The following KIF2C variants were observed in gnomAD, a reference collection of about 807,000 sequenced individuals.
KIF2C encodes the protein kinesin-like protein KIF2C.
KIF2C carries 34 observed loss-of-function variants against 97.4 expected under a neutral mutation model. The ratio of observed to expected loss-of-function variants is 0.35; its 90% confidence interval spans 0.27 to 0.46. KIF2C has a LOEUF of 0.46. KIF2C is among the 20% of genes least tolerant of loss of function. The probability of loss-of-function intolerance (pLI) is 1.00; values close to 1 mark genes in which losing one functional copy is unlikely to be tolerated. For synonymous variants in KIF2C, 313 were observed against 318.2 expected, an observed-to-expected ratio of 0.98 and a Z score of 0.17; for missense variants, 750 against 907.6, an observed-to-expected ratio of 0.83 and a Z score of 2.23.
chr1:44,753,289 A>C (rs377210369), intron 6 of KIF2C, 35 bp downstream of exon 6: 6 of 1,590,944 alleles, frequency 3.8e-6, no homozygotes, highest in Non-Finnish European at 3.4e-6. Context: ...TTCTGCTTCT[A>C]GTGAGGCACA....
chr1:44,746,869 T>A, intron 2 of KIF2C: 1 of 1,097,654 alleles, frequency 9.1e-7, no homozygotes, highest in Non-Finnish European at 1.3e-6. Flanking sequence ...AGAAATTTAA[T>A]TTTTTCTATG....
At chr1:44,755,165 C>T (rs1246936881) in intron 8 of KIF2C, among the ~76,000 whole-genome samples, 2 of 152,154 alleles carry the variant, frequency 1.3e-5, no homozygotes, top group African/African-American at 4.8e-5. Flanking sequence ...ACCATGTTGC[C>T]CAGGCCAATC....
chr1:44,762,446 G>A lies in KIF2C; in HGVS notation c.1852G>A (p.Gly618Ser). ...CTGCTCTAACGGGGCGCTGATTCCA[G>A]GCAATGTAAGGACCAGGATGCGGCC... Reference protein sequence around the residue: ...EACSNGALIPGNLSKEEEELS... With the variant: ...EACSNGALIPSNLSKEEEELS... Residue 618 changes from glycine (G) to serine (S), a missense_variant, in exon 18 of 21, where the codon GGC becomes AGC. By Grantham distance (56) the Gly-to-Ser change is moderately conservative (BLOSUM62 0). Transcript: ENST00000372224. 2 of 1,614,062 alleles carry A rather than the reference G, an allele frequency of 1.2e-6. No homozygotes were observed. Among genetic ancestry groups the A allele is most frequent in the Non-Finnish European group, 1.7e-6 (2 of 1,179,906 alleles).
At chr1:44,765,477 GAAA>G (rs1318510818) in intron 19 of KIF2C, among the ~76,000 whole-genome samples, 1 of 151,790 alleles carries the variant, frequency 6.6e-6, no homozygotes, top group African/African-American at 2.4e-5. Flanking sequence ...AAGAAAGAAA[GAAA>G]GAAAAAAACC....
rs762926108 is a variant in KIF2C, at chr1:44,757,935, G to C, written c.1096G>C (p.Ala366Pro). The C allele has an allele frequency of 1.2e-6, 2 of 1,614,200 alleles. No homozygotes were observed. Among genetic ancestry groups the C allele is most frequent in the South Asian group, 2.2e-5 (2 of 91,088 alleles). Residue 366 changes from alanine (A) to proline (P), a missense_variant, in exon 12 of 21, where the codon GCC (alanine) becomes CCC (proline). Ala to Pro is a conservative substitution (Grantham distance 27, BLOSUM62 -1). Transcript: ENST00000372224. ...HTMGGDLSGK[A>P]QNASKGIYAM... ...TATGGGCGGAGACCTCTCTGGGAAAGCCCAGAATGCATCCAAAGGGATCTA... is the reference window on the plus strand; with the variant it reads ...TATGGGCGGAGACCTCTCTGGGAAACCCCAGAATGCATCCAAAGGGATCTA...
chr1:44,744,472 C>T (rs1649082900), intron 2 of KIF2C, among the ~76,000 whole-genome samples: 1 of 152,176 alleles, frequency 6.6e-6, no homozygotes, highest in African/African-American at 2.4e-5. Flanking sequence ...TATCCTATGC[C>T]CTGGCAAATG....
chr1:44,760,160 C>T lies in KIF2C; in HGVS notation c.1368-120C>T, dbSNP rs1046373393. The stretch of plus-strand genomic sequence containing the variant: ...GGGAGGGCAAGATGGAAGCCTGGGA[C>T]AGGAAAACAGGACTTTTTCGCCTCC... On this transcript the variant is annotated intron_variant, in intron 14 of 20. Transcript: ENST00000372224. This position sits in a 1 kb window ranked among gnomAD's most constrained non-coding sequence, Gnocchi z 4.2. 1.0e-5 allele frequency: 8 copies of T among 801,854 alleles called. No individual in the cohort carries two copies. The highest frequency in any genetic ancestry group is 1.2e-5 in the Non-Finnish European group (6 of 493,940). The allele number at this position is 801,854 out of a possible 1,614,324, so 49.7% of individuals were successfully genotyped here.
At position 44,755,417 on chromosome 1, in the gene KIF2C, CA is replaced by C. The variant is rs1649772287; in HGVS notation, c.760-511del. Reference sequence around the variant, plus strand: ...AGTAGCTGGGATTACAGGCATGTGCCACCACGCCTAGGTAATTTTTGTATTT... The same window carrying C: ...AGTAGCTGGGATTACAGGCATGTGCCCCACGCCTAGGTAATTTTTGTATTT... On this transcript the variant is annotated intron_variant, in intron 8 of 20. Transcript: ENST00000372224. Among the ~76,000 whole-genome samples the C allele has an allele frequency of 2.0e-5, 3 of 152,230 alleles. No homozygotes were observed. The South Asian group carries it at 6.2e-4, about 31-fold the overall frequency.
At chr1:44,753,037 G>C in intron 5 of KIF2C, 95 bp from the exon 6 acceptor site, 1 of 1,460,346 alleles carries the variant, frequency 6.8e-7, no homozygotes, top group Non-Finnish European at 9.3e-7. Flanking sequence ...CGAGCAGGCA[G>C]GTCGCTCTCC....
intron 2 of KIF2C, among the ~76,000 whole-genome samples, chr1:44,746,951 G>A (rs934390324): frequency 6.6e-6 from 1 of 151,654 alleles, no homozygotes; most frequent in Non-Finnish European, 1.5e-5. Flanking sequence ...AGGCTGGAGG[G>A]CAGTGGCTCA....
At position 44,747,382 on chromosome 1, in the gene KIF2C, A is replaced by G. The variant is rs1649263338; in HGVS notation, c.166-2A>G. ...ATTGAAACTTTTACTTGCTCCTTGC[A>G]GATTGATTTTGATGATGTGGCTGCA... On this transcript the variant is annotated splice_acceptor_variant, in intron 2 of 20. Transcript: ENST00000372224. LOFTEE classifies it high-confidence loss of function. 4 of 1,606,482 alleles carry G rather than the reference A, an allele frequency of 2.5e-6. No homozygotes were observed. Among genetic ancestry groups the G allele is most frequent in the Non-Finnish European group, 3.4e-6 (4 of 1,176,276 alleles).
At chr1:44,748,429 T>C (rs906370259) in intron 4 of KIF2C, among the ~76,000 whole-genome samples, 1 of 152,176 alleles carries the variant, frequency 6.6e-6, no homozygotes, top group African/African-American at 2.4e-5. Flanking sequence ...GGCCTGACTA[T>C]TGTGGTGCTG....
At chr1:44,754,064 G>C (rs1649685096) in intron 7 of KIF2C, among the ~76,000 whole-genome samples, 1 of 138,188 alleles carries the variant, frequency 7.2e-6, no homozygotes, top group Non-Finnish European at 1.5e-5. Flanking sequence ...AGTGATTCTT[G>C]GGCCTCAGCC....
Position 44,758,841 on chromosome 1 carries a change from A to T in KIF2C, c.1225-365A>T, listed in dbSNP as rs1358811622. On this transcript the variant is annotated intron_variant, in intron 13 of 20. Transcript: ENST00000372224. ...CAGTGAGCCGTGATCGCACCATTGC[A>T]CTCCAGCCTGGGCGATACGAGCGAA... Among the ~76,000 whole-genome samples the T allele has an allele frequency of 2.0e-5, 3 of 152,270 alleles. No homozygotes were observed. In the South Asian group the frequency reaches 6.2e-4, roughly 32 times the overall value.
intron 19 of KIF2C, among the ~76,000 whole-genome samples, chr1:44,764,043 AAAG>A (rs1650309667): frequency 6.6e-6 from 1 of 152,100 alleles, no homozygotes; most frequent in African/African-American, 2.4e-5. Flanking sequence ...AGAAAAAAAA[AAAG>A]AGAAACTAGT....
At chr1:44,750,634 G>T in intron 5 of KIF2C, 70 bp downstream of exon 5, 1 of 1,360,084 alleles carries the variant, frequency 7.4e-7, no homozygotes. Context: ...CCCTGTGCTA[G>T]AATATCCTGA....
At chr1:44,742,812 T>C (rs183633266) in intron 2 of KIF2C, among the ~76,000 whole-genome samples, 28 of 151,954 alleles carry the variant, frequency 1.8e-4, no homozygotes, top group Non-Finnish European at 7.4e-5. Context: ...CTACCTGTGA[T>C]ATCAGTTTGG....
chr1:44,757,893 C>G lies in KIF2C; in HGVS notation c.1069-15C>G, dbSNP rs1473461455. On this transcript the variant is annotated splice_polypyrimidine_tract_variant and intron_variant, in intron 11 of 20. Transcript: ENST00000372224. ...ACAGCCCTTTTCCATGGTCTTCTAC[C>G]CCTTCCCTTTGCAGACTATGGGCGG... is the stretch of plus-strand genomic sequence containing the variant. 7 of 1,613,536 alleles carry G rather than the reference C, an allele frequency of 4.3e-6. No homozygotes were observed. Among genetic ancestry groups the G allele is most frequent in the East Asian group, 2.2e-5 (1 of 44,882 alleles).
intron 2 of KIF2C, among the ~76,000 whole-genome samples, chr1:44,741,449 CCTGGT>C (rs1428484696): frequency 6.6e-6 from 1 of 151,568 alleles, no homozygotes; most frequent in Non-Finnish European, 1.5e-5. Context: ...CTTTGAGAGG[CCTGGT>C]CTGGAGGATT....
Sources: gnomAD v4.1 joint callset for allele counts (sites outside exome capture counted in the v4.1 genomes callset) on GRCh38, gnomAD v4.1.1 for gene constraint, Gnocchi (gnomAD v3.1) non-coding constraint, MANE v1.5 for transcripts, NCBI Gene and HGNC (gene_info 2026-07-23, HGNC 2026-07-21) for gene names.